DOCK9: variants seen among roughly 807,000 people sequenced by gnomAD.
DOCK9 encodes dedicator of cytokinesis 9.
DOCK9 carries 89 observed loss-of-function variants against 263.3 expected under a neutral mutation model. The ratio of observed to expected loss-of-function variants is 0.34; its 90% CI spans 0.28 to 0.40. The LOEUF (loss-of-function observed/expected upper bound fraction) is 0.40, where lower values mean the gene tolerates loss of function less well. DOCK9 is among the 10% of genes least tolerant of loss of function. The probability of loss-of-function intolerance (pLI) is 1.00; values close to 1 mark genes in which losing one functional copy is unlikely to be tolerated. For synonymous variants in DOCK9, 976 were observed against 973.1 expected, an observed-to-expected ratio of 1.00 and a Z score of -0.06; for missense variants, 2,140 against 2,603.4, an observed-to-expected ratio of 0.82 and a Z score of 3.87.
chr13:98,810,240 C>T lies in DOCK9; in HGVS notation c.5182G>A (p.Glu1728Lys). The change falls in exon 46 of 53, where the codon GAG becomes AAG. Residue 1728 changes from glutamate to lysine, a missense_variant. By Grantham distance (56) the Glu-to-Lys change is moderately conservative. Coordinates refer to ENST00000682017, the MANE Select transcript of DOCK9 (RefSeq NM_001366683.2). ...ATGTCGGCGATGAGCTCGTAGCGCT[C>T]GGCTTTCCAGAGTCCATCTGCGCAC... ...EQCADGLWKA[E>K]RYELIADIYK... The T allele has an allele frequency of 6.2e-7, 1 of 1,613,010 alleles. No individual in the cohort carries two copies. Among genetic ancestry groups the T allele is most frequent in the Non-Finnish European group, 8.5e-7 (1 of 1,179,650 alleles).
chr13:99,023,583 A>G (rs1641059583), intron 1 of DOCK9, among the ~76,000 whole-genome samples: 1 of 152,260 alleles, frequency 6.6e-6, no homozygotes, highest in South Asian at 2.1e-4. Flanking sequence ...ATGTGAATGT[A>G]CCGAGTATCA....
chr13:98,949,956 G>A, intron 2 of DOCK9: 1 of 491,152 alleles, frequency 2.0e-6, no homozygotes, highest in Non-Finnish European at 4.0e-6. Context: ...GTCTGTCAGA[G>A]GGATGGTCTC....
At chr13:99,038,674 C>G (rs1012673250) in intron 1 of DOCK9, among the ~76,000 whole-genome samples, 2 of 152,158 alleles carry the variant, frequency 1.3e-5, no homozygotes, top group African/African-American at 4.8e-5. Context: ...ACACCCTGTC[C>G]CTTGAAAAAC....
chr13:98,914,767 C>A (rs2050619614), intron 8 of DOCK9, among the ~76,000 whole-genome samples: 1 of 152,024 alleles, frequency 6.6e-6, no homozygotes, highest in South Asian at 2.1e-4. Flanking sequence ...TAAAAAGCTC[C>A]CAGGTACTTC....
intron 24 of DOCK9, 30 bp from the exon 25 acceptor site, chr13:98,881,657 G>T: frequency 1.3e-6 from 2 of 1,579,218 alleles, no homozygotes. Flanking sequence ...ATAAAGCAAA[G>T]AATATGTAAA....
intron 1 of DOCK9, among the ~76,000 whole-genome samples, chr13:98,969,904 T>A (rs2059566909): frequency 6.6e-6 from 1 of 152,172 alleles, no homozygotes; most frequent in African/African-American, 2.4e-5. Flanking sequence ...CCTTTGTGAA[T>A]CAAGGAAGCT....
At chr13:98,796,244 G>A (rs1374755596) in intron 52 of DOCK9, 3 of 1,574,490 alleles carry the variant, frequency 1.9e-6, no homozygotes, top group Non-Finnish European at 2.6e-6. Context: ...GAGAAAAAAA[G>A]CAAGTGAGTT....
At chr13:99,083,805 T>A (rs1188144784) in intron 1 of DOCK9, among the ~76,000 whole-genome samples, 1 of 144,270 alleles carries the variant, frequency 6.9e-6, no homozygotes, top group Non-Finnish European at 1.5e-5. Flanking sequence ...AACTATTTCA[T>A]TTTGTTGTTT....
intron 9 of DOCK9, among the ~76,000 whole-genome samples, chr13:98,908,168 G>A (rs1043761486): frequency 1.3e-5 from 2 of 151,952 alleles, no homozygotes; most frequent in African/African-American, 2.4e-5. Context: ...AACACAAATG[G>A]CAAATAAATA....
intron 3 of DOCK9, among the ~76,000 whole-genome samples, chr13:98,929,941 T>C (rs544878632): frequency 9.9e-5 from 15 of 152,204 alleles, no homozygotes; most frequent in Admixed American, 3.3e-4. Flanking sequence ...CCCCTCCAAA[T>C]AAATAAAGTT....
At chr13:98,997,111 G>A (rs1309520658) in intron 1 of DOCK9, among the ~76,000 whole-genome samples, 7 of 152,196 alleles carry the variant, frequency 4.6e-5, no homozygotes, top group Non-Finnish European at 7.3e-5. Flanking sequence ...AGGGCTTCTC[G>A]AATGTGTAGT....
rs142834204 is a variant in DOCK9, at chr13:98,818,554, A to G, written c.5130+5844T>C. ...TAAATTCCAAGATATTTTTTCCTAT[A>G]TTGTTGACATATGCAAAGAACTGTT... is the stretch of plus-strand genomic sequence containing the variant. On this transcript the variant is annotated intron_variant, in intron 45 of 52. Coordinates refer to ENST00000682017, the MANE Select transcript of DOCK9 (RefSeq NM_001366683.2). Among the ~76,000 whole-genome samples the G allele has an allele frequency of 2.9e-3, 440 of 152,186 alleles. 3 individuals carry two copies. Among genetic ancestry groups the G allele is most frequent in the African/African-American group, 9.8e-3 (406 of 41,522 alleles).
intron 13 of DOCK9, among the ~76,000 whole-genome samples, chr13:98,899,661 T>C (rs2047977082): frequency 6.6e-6 from 1 of 152,172 alleles, no homozygotes; most frequent in Non-Finnish European, 1.5e-5. Context: ...TTAAACATTT[T>C]CAGGTTCAAG....
chr13:98,834,943 CA>C (rs1255027274), intron 39 of DOCK9, among the ~76,000 whole-genome samples: 1 of 152,218 alleles, frequency 6.6e-6, no homozygotes, highest in African/African-American at 2.4e-5. Context: ...GACCTTTGGA[CA>C]GGTCAGTTGT....
At chr13:98,974,643 A>G (rs535639866) in intron 1 of DOCK9, among the ~76,000 whole-genome samples, 1 of 149,794 alleles carries the variant, frequency 6.7e-6, no homozygotes, top group East Asian at 2.0e-4. Flanking sequence ...ACAGCTACGC[A>G]GGAGGCTGAG....
chr13:98,841,200 G>GT (rs2093198655), intron 38 of DOCK9, among the ~76,000 whole-genome samples: 1 of 152,196 alleles, frequency 6.6e-6, no homozygotes, highest in South Asian at 2.1e-4. Flanking sequence ...AGAATGCCTT[G>GT]TGGAGACACG....
At chr13:98,898,511 G>A (rs1458053829) in intron 13 of DOCK9, among the ~76,000 whole-genome samples, 3 of 152,096 alleles carry the variant, frequency 2.0e-5, no homozygotes, top group African/African-American at 7.2e-5. Context: ...TCTCTTCTTT[G>A]GTCTTTACGG....
At chr13:98,853,243 T>C (rs533265486) in intron 35 of DOCK9, among the ~76,000 whole-genome samples, 165 bp downstream of exon 35, 26 of 152,330 alleles carry the variant, frequency 1.7e-4, no homozygotes, top group South Asian at 4.1e-4. Context: ...TCTAAGAACC[T>C]TAGTCAATGA....
chr13:99,086,079 G>T, intron 1 of DOCK9: 1 of 1,255,892 alleles, frequency 8.0e-7, no homozygotes. Context: ...ACTCCCTCCC[G>T]CCGGCCCCAC....
Sources: gnomAD v4.1 joint callset for allele counts (sites outside exome capture counted in the v4.1 genomes callset) on GRCh38, gnomAD v4.1.1 for gene constraint, MANE v1.5 for transcripts, NCBI Gene and HGNC (gene_info 2026-07-23, HGNC 2026-07-21) for gene names.